LNX1: variants seen among roughly 807,000 people sequenced by gnomAD.
LNX1 encodes E3 ubiquitin-protein ligase LNX.
Under a neutral mutation model 68.4 loss-of-function variants are expected in LNX1, and 54 were observed. The observed-to-expected ratio is 0.79, with a 90% CI of 0.63 to 0.99. The LOEUF (loss-of-function observed/expected upper bound fraction) is 0.99. Among genes scored for constraint, LNX1 ranks in the 50% least tolerant of loss-of-function variants. LNX1 has a pLI of 0.00. For missense variants in LNX1, 906 were observed against 926.4 expected (o/e 0.98, Z 0.29); for synonymous variants, 336 against 350.0 (o/e 0.96, Z 0.45).
At chr4:53,604,251 T>G (rs187029183) in intron 2 of LNX1, among the ~76,000 whole-genome samples, 1 of 152,186 alleles carries the variant, frequency 6.6e-6, no homozygotes, top group Non-Finnish European at 1.5e-5. Flanking sequence ...CACCTAAAGC[T>G]TGTATATTCA....
At chr4:53,518,400 C>A (rs1310501385) in intron 2 of LNX1, among the ~76,000 whole-genome samples, 3 of 152,324 alleles carry the variant, frequency 2.0e-5, no homozygotes, top group East Asian at 3.9e-4. Flanking sequence ...GTTAATGACT[C>A]TCCTTTAATG....
intron 2 of LNX1, among the ~76,000 whole-genome samples, chr4:53,545,015 C>T (rs1729011333): frequency 6.6e-6 from 1 of 152,198 alleles, no homozygotes; most frequent in South Asian, 2.1e-4. Context: ...GAGTGGTACC[C>T]AGATGCTTTT....
rs182968190 is a variant in LNX1 at position 53,460,017 on chromosome 4, A to G, written c.*890T>C. 2.7e-4 allele frequency: 56 copies of G among 206,994 alleles called. No homozygotes were observed. The highest frequency in any genetic ancestry group is 1.2e-3 in the African/African-American group (54 of 43,438). The allele number at this position is 206,994 out of a possible 1,614,324, so 12.8% of individuals were successfully genotyped here. A position where few individuals can be genotyped will look rare whatever the true frequency, so the allele number is the denominator to read the frequency against. On this transcript the variant is annotated 3_prime_UTR_variant, in exon 11 of 11. Transcript: ENST00000263925. ...GGGGTACACTTTCATATCCAAATTA[A>G]TAAAACCTATAAGGCATCTGGGTGG...
chr4:53,588,263 G>A (rs1002868919), intron 1 of LNX1, among the ~76,000 whole-genome samples: 1 of 152,162 alleles, frequency 6.6e-6, no homozygotes. Flanking sequence ...GTAGAACTGG[G>A]TCTGATACAC....
chr4:53,650,045 G>C (rs527292917), intron 1 of LNX1, among the ~76,000 whole-genome samples: 11 of 152,338 alleles, frequency 7.2e-5, no homozygotes, highest in African/African-American at 2.2e-4. Context: ...TGAGCAGAGA[G>C]TGAGCAGCCC....
At chr4:53,540,903 G>C (rs1171757926) in intron 2 of LNX1, among the ~76,000 whole-genome samples, 1 of 152,050 alleles carries the variant, frequency 6.6e-6, no homozygotes, top group African/African-American at 2.4e-5. Flanking sequence ...TTGGGAGGCT[G>C]AGACGGGCGG....
chr4:53,575,969 T>G, intron 1 of LNX1: 2 of 1,561,962 alleles, frequency 1.3e-6, no homozygotes, highest in East Asian at 2.3e-5. Context: ...GGTGCCCTAC[T>G]GGCAGGCATG....
At position 53,459,712 on chromosome 4, in the gene LNX1, A is replaced by G. The variant is rs1721421073; in HGVS notation, c.*1195T>C. 2.0e-6 allele frequency: 1 copy of G among 489,846 alleles called. No homozygotes were observed. Among genetic ancestry groups the G allele is most frequent in the Non-Finnish European group, 3.7e-6 (1 of 271,314 alleles). 30.3% of individuals were successfully genotyped at this position (489,846 alleles called of 1,614,324 possible). ...GAATGAGTCACTTAACAGGGAATCT[A>G]AAGAGCTGTGTTAGCTGTGTACATA... On this transcript the variant is annotated 3_prime_UTR_variant, in exon 11 of 11. Coordinates refer to ENST00000263925, the MANE Select transcript of LNX1 (RefSeq NM_001126328.3).
At chr4:53,482,175 C>T (rs1372306663) in intron 6 of LNX1, among the ~76,000 whole-genome samples, 1 of 152,170 alleles carries the variant, frequency 6.6e-6, no homozygotes, top group African/African-American at 2.4e-5. Flanking sequence ...ACAAGCCATG[C>T]CCTAAGTTCT....
intron 2 of LNX1, among the ~76,000 whole-genome samples, chr4:53,539,749 C>A (rs1468641466): frequency 6.6e-6 from 1 of 152,226 alleles, no homozygotes; most frequent in Non-Finnish European, 1.5e-5. Context: ...AATACCAGGA[C>A]TGCTGTTACC....
At chr4:53,494,312 C>T (rs1284370263) in intron 6 of LNX1, among the ~76,000 whole-genome samples, 1 of 152,200 alleles carries the variant, frequency 6.6e-6, no homozygotes, top group Non-Finnish European at 1.5e-5. Flanking sequence ...GATTGTGAGG[C>T]CTCCCGAGCC....
intron 2 of LNX1, among the ~76,000 whole-genome samples, chr4:53,523,994 T>C (rs1314762554): frequency 6.6e-6 from 1 of 152,234 alleles, no homozygotes; most frequent in Non-Finnish European, 1.5e-5. Context: ...CTGGTCAGCC[T>C]AGTCTTAAAT....
At chr4:53,580,811 G>C (rs1050595122) in intron 1 of LNX1, among the ~76,000 whole-genome samples, 5 of 152,048 alleles carry the variant, frequency 3.3e-5, no homozygotes, top group Non-Finnish European at 7.4e-5. Context: ...GAGGAATGTG[G>C]GGCTCTCTTA....
intron 1 of LNX1, among the ~76,000 whole-genome samples, chr4:53,579,868 C>A (rs1178120415): frequency 6.6e-6 from 1 of 152,182 alleles, no homozygotes; most frequent in Non-Finnish European, 1.5e-5. Flanking sequence ...CATGTGGCAA[C>A]GATAATTTTA....
intron 2 of LNX1, among the ~76,000 whole-genome samples, chr4:53,514,185 A>C (rs1403285142): frequency 6.6e-6 from 1 of 152,232 alleles, no homozygotes; most frequent in African/African-American, 2.4e-5. Flanking sequence ...GCAAGTTCCA[A>C]AGGGCAGGGA....
upstream of LNX1, among the ~76,000 whole-genome samples, chr4:53,620,453 A>G (rs1162204288): frequency 6.6e-6 from 1 of 152,218 alleles, no homozygotes; most frequent in Non-Finnish European, 1.5e-5. Flanking sequence ...CCACTAATCT[A>G]GAGCAAACAT....
intron 1 of LNX1, among the ~76,000 whole-genome samples, chr4:53,626,021 T>C (rs762498599): frequency 9.2e-5 from 14 of 152,236 alleles, no homozygotes; most frequent in Non-Finnish European, 1.9e-4. Flanking sequence ...ATAAATAAAA[T>C]GTTGAATATT....
Position 53,573,551 on chromosome 4 carries a change from G to C in LNX1, c.380+72C>G. ...TTTCATTGGTTGGAAGCCCTCAGGA[G>C]ACTGGGGGGTGGAGGGGTCCAGCTG... On this transcript the variant is annotated intron_variant, in intron 2 of 10. Transcript: ENST00000263925. The C allele has an allele frequency of 5.0e-6, 5 of 998,582 alleles. No individual in the cohort carries two copies. The South Asian group carries it at 6.2e-5, about 12-fold the overall frequency. The allele number at this position is 998,582 out of a possible 1,614,324, so 61.9% of individuals were successfully genotyped here.
chr4:53,545,802 ATTTTTTT>A (rs71197029), intron 2 of LNX1, among the ~76,000 whole-genome samples: 4 of 111,614 alleles, frequency 3.6e-5, no homozygotes, highest in Admixed American at 9.6e-5. Context: ...CAGAGGCCAC[ATTTTTTT>A]TTTTTTTTTT....
Sources: allele counts gnomAD v4.1 joint callset (sites outside exome capture counted in the v4.1 genomes callset), GRCh38; gene constraint gnomAD v4.1.1; transcripts MANE v1.5; gene names NCBI Gene and HGNC (gene_info 2026-07-23, HGNC 2026-07-21).